Variants in DGKB observed in about 807,000 individuals in gnomAD.
DGKB encodes 90 kDa diacylglycerol kinase.
In DGKB, 67 loss-of-function variants were observed where a neutral mutation model predicts 114.3. The observed-to-expected ratio is 0.59, with a 90% confidence interval of 0.48 to 0.72. DGKB has a LOEUF of 0.72. Ranked by LOEUF, DGKB falls within the 30% of genes least tolerant of loss-of-function variation. The pLI, the probability that DGKB is intolerant of heterozygous loss-of-function variation, is 0.00. For missense variants in DGKB, 907 were observed against 975.2 expected (o/e 0.93, Z 0.93); for synonymous variants, 398 against 323.1 (o/e 1.23, Z -2.49).
At chr7:14,220,769 T>A (rs1023626097) in intron 23 of DGKB, among the ~76,000 whole-genome samples, 2 of 151,556 alleles carry the variant, frequency 1.3e-5, no homozygotes, top group African/African-American at 4.8e-5. Context: ...GATGTTTATC[T>A]GTTTATTTAC....
chr7:14,549,406 T>A (rs538299795), intron 20 of DGKB, among the ~76,000 whole-genome samples: 286 of 152,052 alleles, frequency 1.9e-3, no homozygotes, highest in African/African-American at 6.3e-3. Flanking sequence ...GAATAAATAT[T>A]TTTTTTTAAA....
intron 23 of DGKB, among the ~76,000 whole-genome samples, chr7:14,285,046 T>C (rs1010338895): frequency 7.3e-5 from 11 of 151,672 alleles, no homozygotes; most frequent in Non-Finnish European, 1.5e-4. Flanking sequence ...AAAAAAGAAA[T>C]GTATTGGAAA....
intron 1 of DGKB, among the ~76,000 whole-genome samples, chr7:14,961,796 A>G (rs1587464572): frequency 6.6e-6 from 1 of 151,570 alleles, no homozygotes; most frequent in African/African-American, 2.4e-5. Context: ...CTTCTTTCTC[A>G]CCCCACCCAC....
At chr7:14,330,456 T>G (rs1198668475) in intron 23 of DGKB, among the ~76,000 whole-genome samples, 1 of 152,014 alleles carries the variant, frequency 6.6e-6, no homozygotes, top group East Asian at 1.9e-4. Context: ...ATTTCATTTA[T>G]ATATTAGAAA....
intron 23 of DGKB, among the ~76,000 whole-genome samples, chr7:14,182,222 TA>T (rs1782734721): frequency 6.6e-6 from 1 of 151,892 alleles, no homozygotes. Flanking sequence ...CATTAAATTT[TA>T]TTTTTTTTAT....
Position 14,338,433 on chromosome 7 carries a change from C to T in DGKB, c.2122+82G>A, listed in dbSNP as rs948143116. 7.8e-6 allele frequency: 6 copies of T among 773,152 alleles called. No homozygotes were observed. The African/African-American group carries it at 1.1e-4, about 14-fold the overall frequency. The allele number at this position is 773,152 out of a possible 1,614,324, so 47.9% of individuals were successfully genotyped here. On this transcript the variant is annotated intron_variant, in intron 23 of 25. Coordinates refer to ENST00000402815, the MANE Select transcript of DGKB (RefSeq NM_001350709.2). ...TAAAAATATATAAATTATTATAGTG[C>T]AACGGAAGACTCTTTACTTTTAAAG...
chr7:14,650,069 C>G (rs1457076914), intron 13 of DGKB, among the ~76,000 whole-genome samples: 1 of 151,852 alleles, frequency 6.6e-6, no homozygotes, highest in East Asian at 1.9e-4. Context: ...ACCCCACTGT[C>G]AACATTGGAC....
chr7:14,501,182 T>C lies in DGKB; in HGVS notation c.1771-22957A>G, dbSNP rs1786111264. 2.0e-5 allele frequency among the ~76,000 whole-genome samples: 3 copies of C among 151,970 alleles called. No homozygotes were observed. The South Asian group carries it at 6.2e-4, about 31-fold the overall frequency. ...TAGGGTTATAGGAATCACAAGGTTG[T>C]GACTGTATGATTTTTGTTAAAACCT... On this transcript the variant is annotated intron_variant, in intron 20 of 25. Transcript: ENST00000402815.
intron 2 of DGKB, among the ~76,000 whole-genome samples, chr7:14,779,641 A>G (rs576929705): frequency 6.6e-6 from 1 of 152,190 alleles, no homozygotes; most frequent in Non-Finnish European, 1.5e-5. Context: ...AAATTCCAGA[A>G]CTGAATATTT....
At chr7:14,688,809 G>A (rs1216910985) in intron 9 of DGKB, among the ~76,000 whole-genome samples, 2 of 116,484 alleles carry the variant, frequency 1.7e-5, no homozygotes, top group Non-Finnish European at 3.6e-5. Flanking sequence ...TAAAGTTTTA[G>A]TTTTTCCATA....
rs927689892 is a variant in DGKB, at chr7:14,148,379, G to A, written c.*752C>T. 1 of 152,508 alleles carries A rather than the reference G, an allele frequency of 6.6e-6. No individual in the cohort carries two copies. The highest frequency in any genetic ancestry group is 2.4e-5 in the African/African-American group (1 of 41,428). 9.4% of individuals were successfully genotyped at this position (152,508 alleles called of 1,614,324 possible). A position where few individuals can be genotyped will look rare whatever the true frequency, so the allele number is the denominator to read the frequency against. On this transcript the variant is annotated 3_prime_UTR_variant, in exon 26 of 26. Coordinates refer to ENST00000402815, the MANE Select transcript of DGKB (RefSeq NM_001350709.2). Reference sequence around the variant, plus strand: ...AAAACTTCTATTTCGTTATTGGTGTGGTTATGAATTCTCTCCTAGATTCTC... The same window carrying A: ...AAAACTTCTATTTCGTTATTGGTGTAGTTATGAATTCTCTCCTAGATTCTC...
chr7:14,948,133 G>A (rs1337013869), intron 1 of DGKB, among the ~76,000 whole-genome samples: 1 of 151,716 alleles, frequency 6.6e-6, no homozygotes, highest in African/African-American at 2.4e-5. Flanking sequence ...CACTGAGAAT[G>A]AAATTCAGGA....
intron 23 of DGKB, among the ~76,000 whole-genome samples, chr7:14,194,832 C>T (rs111521998): frequency 3.3e-5 from 5 of 152,040 alleles, no homozygotes; most frequent in African/African-American, 1.2e-4. Flanking sequence ...AAATTCTGAA[C>T]TCCTTTAAAC....
chr7:14,839,498 C>T (rs891591959), intron 2 of DGKB, among the ~76,000 whole-genome samples: 9 of 149,732 alleles, frequency 6.0e-5, no homozygotes, highest in Admixed American at 5.3e-4. Flanking sequence ...GCCTCCTGGG[C>T]TCCAGCAATC....
intron 1 of DGKB, among the ~76,000 whole-genome samples, chr7:14,877,382 C>A (rs1415933207): frequency 9.9e-5 from 15 of 151,964 alleles, no homozygotes. Flanking sequence ...ATGGAGAAAC[C>A]CCGTCTCTAC....
At chr7:14,974,754 A>G (rs1787692196) in exon 1 of DGKB, 1 of 152,128 alleles carries the variant, frequency 6.6e-6, no homozygotes. Flanking sequence ...AACATTCCCT[A>G]GCCAGTAAGG....
At position 14,312,688 on chromosome 7, in the gene DGKB, A is replaced by C. The variant is rs145247990; in HGVS notation, c.2122+25827T>G. On this transcript the variant is annotated intron_variant, in intron 23 of 25. Transcript: ENST00000402815. ...GCCACTTTGTTCATGGAACACCTTC[A>C]AAGGTACTGATGGTAAAATTATGGT... Among the ~76,000 whole-genome samples, 837 of 152,350 alleles carry C rather than the reference A, an allele frequency of 5.5e-3. 12 individuals are homozygous for C. Among genetic ancestry groups the C allele is most frequent in the African/African-American group, 0.019 (804 of 41,580 alleles).
intron 20 of DGKB, among the ~76,000 whole-genome samples, chr7:14,563,418 A>C (rs1446920863): frequency 6.6e-6 from 1 of 152,168 alleles, no homozygotes. Context: ...TGAAATCTTC[A>C]AAGTGGTAAG....
intron 20 of DGKB, among the ~76,000 whole-genome samples, chr7:14,548,264 C>T (rs10499450): frequency 6.6e-6 from 1 of 152,148 alleles, no homozygotes; most frequent in African/African-American, 2.4e-5. Context: ...TACATTCCTT[C>T]ACCTGGAGGA....
Sources: gnomAD v4.1 joint callset for allele counts (sites outside exome capture counted in the v4.1 genomes callset) on GRCh38, gnomAD v4.1.1 for gene constraint, MANE v1.5 for transcripts, NCBI Gene and HGNC (gene_info 2026-07-23, HGNC 2026-07-21) for gene names.